SNX18: variants seen among roughly 807,000 people sequenced by gnomAD.
SNX18 encodes sorting nexin-18.
SNX18 carries 35 observed loss-of-function variants against 48.7 expected under a neutral mutation model. The ratio of observed to expected loss-of-function variants is 0.72; its 90% CI spans 0.55 to 0.95. SNX18 has a LOEUF of 0.95. Ranked by LOEUF, SNX18 falls within the 40% of genes least tolerant of loss-of-function variation. SNX18 has a pLI of 0.00. For synonymous variants in SNX18, 492 were observed against 384.7 expected (o/e 1.28, Z -3.26); for missense variants, 824 against 871.0 (o/e 0.95, Z 0.68).
At chr5:54,526,969 T>A (rs1580097714) in intron 1 of SNX18, among the ~76,000 whole-genome samples, 1 of 149,914 alleles carries the variant, frequency 6.7e-6, no homozygotes, top group East Asian at 2.0e-4. Context: ...GGGGGAGAGC[T>A]TTTCAGGCAG....
chr5:54,549,089 A>T (rs1443622858), downstream of SNX18, among the ~76,000 whole-genome samples: 1 of 152,142 alleles, frequency 6.6e-6, no homozygotes, highest in Admixed American at 6.5e-5. Flanking sequence ...TCAATCGTCC[A>T]TTGGTTGGAT....
intron 1 of SNX18, among the ~76,000 whole-genome samples, chr5:54,536,275 C>T (rs990791838): frequency 2.7e-4 from 41 of 152,060 alleles, no homozygotes; most frequent in African/African-American, 9.2e-4. Flanking sequence ...TACATGTGCA[C>T]AGCGTGCAGG....
At chr5:54,641,205 G>C in the SNX18 span, among the ~76,000 whole-genome samples, 2 of 152,142 alleles carry the variant, frequency 1.3e-5, no homozygotes, top group South Asian at 4.1e-4. Context: ...AACAATGCAA[G>C]ACAATCCTTT....
At chr5:54,641,655 C>G in the SNX18 span, among the ~76,000 whole-genome samples, 1 of 152,134 alleles carries the variant, frequency 6.6e-6, no homozygotes. Flanking sequence ...CACAGCACAA[C>G]AAAAATTTTT....
chr5:54,546,854 G>C (rs1441090485), downstream of SNX18, among the ~76,000 whole-genome samples: 1 of 152,208 alleles, frequency 6.6e-6, no homozygotes, highest in Non-Finnish European at 1.5e-5. Context: ...TGAAATAATA[G>C]CTCCCATGAG....
intron 1 of SNX18, 43 bp from the exon 2 acceptor site, chr5:54,543,136 G>A (rs777363917): frequency 5.7e-6 from 9 of 1,575,770 alleles, no homozygotes; most frequent in Non-Finnish European, 7.8e-6. Context: ...CTTGGGATAT[G>A]TGGATATATA....
chr5:54,555,378 C>CTTTTTTTTTTTTTTTTT, the SNX18 span, among the ~76,000 whole-genome samples: 1 of 144,552 alleles, frequency 6.9e-6, no homozygotes. Flanking sequence ...GCATACCTTT[C>CTTTTTTTTTTTTTTTTT]TTTTTTTTTT....
the SNX18 span, among the ~76,000 whole-genome samples, chr5:54,574,487 G>A: frequency 2.6e-5 from 4 of 152,278 alleles, no homozygotes; most frequent in South Asian, 8.3e-4. Context: ...CACTATTATT[G>A]GCAAGGGAGG....
chr5:54,592,596 C>T, the SNX18 span, among the ~76,000 whole-genome samples: 2 of 152,112 alleles, frequency 1.3e-5, no homozygotes, highest in Non-Finnish European at 2.9e-5. Flanking sequence ...CAATTCAATC[C>T]GAGGACACTG....
chr5:54,600,812 C>G, the SNX18 span, among the ~76,000 whole-genome samples: 1 of 152,110 alleles, frequency 6.6e-6, no homozygotes, highest in Non-Finnish European at 1.5e-5. Context: ...GAGCAACACA[C>G]ACTGGGACCT....
chr5:54,634,463 G>A, the SNX18 span, among the ~76,000 whole-genome samples: 1 of 152,136 alleles, frequency 6.6e-6, no homozygotes, highest in African/African-American at 2.4e-5. Context: ...ATGCAGCCCA[G>A]GATAGCTTTG....
At chr5:54,586,950 A>C in the SNX18 span, among the ~76,000 whole-genome samples, 1 of 151,740 alleles carries the variant, frequency 6.6e-6, no homozygotes, top group Non-Finnish European at 1.5e-5. Flanking sequence ...CTGGAGAAAG[A>C]GGTGAGCACT....
chr5:54,518,110 C>A lies in SNX18; in HGVS notation c.158C>A (p.Ala53Asp). The change falls in exon 1 of 2, where the codon GCC (alanine) becomes GAC (aspartate). Residue 53 changes from alanine to aspartate, a missense_variant. By Grantham distance (126) the Ala-to-Asp change is moderately radical. This residue lies in a region of SNX18 where 377 missense variants were observed against 350.6 expected (regional missense o/e 1.08). Transcript: ENST00000381410. Reference sequence around the variant, plus strand: ...CGCGGCGACCGCGGCCTCTTCCCGGCCTCCTATGTGCAGGTGATCCGCGCC... The same window carrying A: ...CGCGGCGACCGCGGCCTCTTCCCGGACTCCTATGTGCAGGTGATCCGCGCC... ...NSRGDRGLFP[A>D]SYVQVIRAPE... 1 of 1,509,298 alleles carries A rather than the reference C, an allele frequency of 6.6e-7. No individual in the cohort carries two copies. The allele number at this position is 1,509,298 out of a possible 1,614,324, so 93.5% of individuals were successfully genotyped here. A position where few individuals can be genotyped will look rare whatever the true frequency, so the allele number is the denominator to read the frequency against.
At position 54,541,730 on chromosome 5, in the gene SNX18, T is replaced by C. The variant is rs148247012; in HGVS notation, c.1622-1449T>C. ...ATCAATGAAAATAAATGTGTACATATGTGCACACCTACACGTACATATATA... is the reference window on the plus strand; with the variant it reads ...ATCAATGAAAATAAATGTGTACATACGTGCACACCTACACGTACATATATA... On this transcript the variant is annotated intron_variant, in intron 1 of 1. Coordinates refer to ENST00000381410, the MANE Select transcript of SNX18 (RefSeq NM_001102575.2). Among the ~76,000 whole-genome samples, 622 of 152,340 alleles carry C rather than the reference T, an allele frequency of 4.1e-3. 3 individuals are homozygous for C. Among genetic ancestry groups the C allele is most frequent in the African/African-American group, 0.014 (601 of 41,560 alleles).
the SNX18 span, among the ~76,000 whole-genome samples, chr5:54,573,550 G>T: frequency 6.6e-6 from 1 of 152,134 alleles, no homozygotes; most frequent in Non-Finnish European, 1.5e-5. Flanking sequence ...CATCCTCTCA[G>T]GGGTACAAAT....
chr5:54,631,553 T>C, the SNX18 span, among the ~76,000 whole-genome samples: 2 of 152,242 alleles, frequency 1.3e-5, no homozygotes, highest in Admixed American at 6.5e-5. Context: ...GTGACTTTTA[T>C]TGAGCATCTA....
At chr5:54,646,668 C>T in the SNX18 span, among the ~76,000 whole-genome samples, 1 of 152,192 alleles carries the variant, frequency 6.6e-6, no homozygotes, top group African/African-American at 2.4e-5. Flanking sequence ...AAAGCACTCC[C>T]CAAATCTTGG....
At chr5:54,574,364 T>C in the SNX18 span, among the ~76,000 whole-genome samples, 1 of 152,168 alleles carries the variant, frequency 6.6e-6, no homozygotes, top group Non-Finnish European at 1.5e-5. Context: ...GGGCAAAGCA[T>C]CACATTTGGC....
the SNX18 span, among the ~76,000 whole-genome samples, chr5:54,628,846 G>C: frequency 6.6e-6 from 1 of 152,178 alleles, no homozygotes; most frequent in Non-Finnish European, 1.5e-5. Flanking sequence ...CTTTCTGCCT[G>C]TCCTTCTGAT....
Sources: gnomAD v4.1 joint callset for allele counts (sites outside exome capture counted in the v4.1 genomes callset) on GRCh38, gnomAD v4.1.1 for gene constraint, gnomAD v4.1.1 regional missense constraint, MANE v1.5 for transcripts, NCBI Gene and HGNC (gene_info 2026-07-23, HGNC 2026-07-21) for gene names.